The following MZF1 variants were observed in gnomAD, a reference collection of about 807,000 sequenced individuals.
MZF1 encodes the protein myeloid zinc finger 1, also known as zinc finger and SCAN domain-containing protein 6.
Under a neutral mutation model 28.6 loss-of-function variants are expected in MZF1, and 24 were observed. The observed-to-expected ratio is 0.84, with a 90% confidence interval of 0.61 to 1.18. The LOEUF (loss-of-function observed/expected upper bound fraction) is 1.18, where lower values mean the gene tolerates loss of function less well. Ranked by LOEUF, MZF1 falls within the 50% of genes most tolerant of loss-of-function variation. The probability of loss-of-function intolerance (pLI) is 0.00; values close to 1 mark genes in which losing one functional copy is unlikely to be tolerated. For missense variants in MZF1, 1,166 were observed against 1,026.4 expected, an observed-to-expected ratio of 1.14 and a Z score of -1.86; for synonymous variants, 516 against 432.5, an observed-to-expected ratio of 1.19 and a Z score of -2.40.
chr19:58,573,558 C>T (rs1049759022), upstream of MZF1: 6 of 152,384 alleles, frequency 3.9e-5, no homozygotes, highest in African/African-American at 1.4e-4. Flanking sequence ...TCAGCAGGCC[C>T]TTCGTGTGTA....
chr19:58,569,486 G>A (rs375211422), intron 4 of MZF1, 30 bp downstream of exon 4: 5 of 1,613,176 alleles, frequency 3.1e-6, no homozygotes, highest in African/African-American at 1.3e-5. Flanking sequence ...CCAGGGAAAG[G>A]AGGAGAACAT....
intron 1 of MZF1, 145 bp downstream of exon 1, chr19:58,572,910 G>C (rs895471947): frequency 7.5e-6 from 2 of 267,530 alleles, no homozygotes; most frequent in African/African-American, 2.2e-5. Flanking sequence ...CAAGCCTCTC[G>C]CTCTAGCCCT....
At chr19:58,568,088 A>C (rs1219892245) in intron 5 of MZF1, 1 of 152,146 alleles carries the variant, frequency 6.6e-6, no homozygotes, top group African/African-American at 2.4e-5. Flanking sequence ...AAATAAAAAA[A>C]TTAAAAATGA....
intron 1 of MZF1, chr19:58,572,410 C>T (rs1337946422): frequency 3.7e-5 from 19 of 511,684 alleles, no homozygotes; most frequent in South Asian, 2.3e-4. Flanking sequence ...GGGGGAGCTT[C>T]GCAATGGGTG....
At chr19:58,565,308 G>C (rs886554910) in intron 5 of MZF1, among the ~76,000 whole-genome samples, 2 of 147,960 alleles carry the variant, frequency 1.4e-5, no homozygotes, top group African/African-American at 5.3e-5. Flanking sequence ...TGGTCAGGCT[G>C]GTCTCGAACT....
chr19:58,570,162 A>C (rs2054131212), intron 3 of MZF1, 182 bp downstream of exon 3: 10 of 599,388 alleles, frequency 1.7e-5, no homozygotes. Context: ...TGTGAGGGGT[A>C]GTGACAGCAC....
chr19:58,561,997 G>A lies in MZF1; in HGVS notation c.*75C>T. Reference sequence around the variant, plus strand: ...CCTGGGCGGACCTGCTTATACTTATGTAATCGCCAGCCTCACAATAACCAG... The same window carrying A: ...CCTGGGCGGACCTGCTTATACTTATATAATCGCCAGCCTCACAATAACCAG... On this transcript the variant is annotated 3_prime_UTR_variant, in exon 6 of 6. Coordinates refer to ENST00000215057, the MANE Select transcript of MZF1 (RefSeq NM_198055.2). 6.9e-7 allele frequency: 1 copy of A among 1,445,028 alleles called. No individual in the cohort carries two copies. Among genetic ancestry groups the A allele is most frequent in the Non-Finnish European group, 9.3e-7 (1 of 1,074,134 alleles). The allele number at this position is 1,445,028 out of a possible 1,614,324, so 89.5% of individuals were successfully genotyped here.
rs903358256 is a variant in MZF1, at chr19:58,569,390, C to A, written c.659G>T (p.Gly220Val). Reference protein sequence around the residue: ...TLLPEEAQRCGTVLDQIFPHS... With the variant: ...TLLPEEAQRCVTVLDQIFPHS... ...GGGAAAGATCTGGTCCAGCACGGTC[C>A]CACATCTCTGAAATCACAGTGGTCA... is the stretch of plus-strand genomic sequence containing the variant. Residue 220 changes from glycine (G) to valine (V), a missense_variant, in exon 5 of 6, where the codon GGG becomes GTG. Gly to Val is a moderately radical substitution (Grantham distance 109). Coordinates refer to ENST00000215057, the MANE Select transcript of MZF1 (RefSeq NM_198055.2). 2.5e-6 allele frequency: 4 copies of A among 1,613,916 alleles called. No individual in the cohort carries two copies. The highest frequency in any genetic ancestry group is 3.4e-6 in the Non-Finnish European group (4 of 1,179,978).
intron 5 of MZF1, chr19:58,568,218 C>T (rs1426810812): frequency 1.3e-5 from 2 of 152,050 alleles, no homozygotes; most frequent in Non-Finnish European, 2.9e-5. Context: ...GTGCTCTAGT[C>T]TGTGTGAAAT....
At chr19:58,572,614 G>C (rs1568688555) in intron 1 of MZF1, 1 of 1,289,714 alleles carries the variant, frequency 7.8e-7, no homozygotes, top group Admixed American at 2.3e-5. Flanking sequence ...TTATGAAGGG[G>C]ATGGCACCGC....
intron 2 of MZF1, 192 bp from the exon 3 acceptor site, chr19:58,570,719 C>T (rs1007582865): frequency 1.0e-5 from 7 of 680,950 alleles, no homozygotes; most frequent in African/African-American, 3.6e-5. Flanking sequence ...CAGTCCCTCC[C>T]CTGCTCTGAC....
chr19:58,569,291 C>T lies in MZF1; in HGVS notation c.758G>A (p.Gly253Asp). The change falls in exon 5 of 6, where the codon GGC becomes GAC. Residue 253 changes from glycine to aspartate, a missense_variant. Transcript: ENST00000215057. The part of the protein sequence containing the change: ...PRALWHEEAG[G>D]IFSPGFALQL... ...ATCTCACTTACCTGGGGAGAAGATG[C>T]CCCCAGCTTCCTCATGCCACAGGGC... is the stretch of plus-strand genomic sequence containing the variant. The T allele has an allele frequency of 1.2e-6, 2 of 1,604,676 alleles. No homozygotes were observed. Among genetic ancestry groups the T allele is most frequent in the Non-Finnish European group, 1.7e-6 (2 of 1,175,922 alleles).
At chr19:58,564,561 C>G (rs931063061) in intron 5 of MZF1, 4 of 152,250 alleles carry the variant, frequency 2.6e-5, no homozygotes, top group Non-Finnish European at 5.9e-5. Flanking sequence ...GGGCTGAACT[C>G]ATCTGCCATT....
chr19:58,567,804 T>C (rs2054085535), intron 5 of MZF1, among the ~76,000 whole-genome samples: 2 of 152,134 alleles, frequency 1.3e-5, no homozygotes, highest in Admixed American at 6.6e-5. Context: ...TAGGAGAGAA[T>C]AGAGAACACA....
chr19:58,563,086 C>T lies in MZF1; in HGVS notation c.1191G>A (p.Ser397=). ...GCGTAAGCTGGTGGCGCAGCAGGTGCGAGCTGCGGCTGAAGCTGCGGCCGC... is the reference window on the plus strand; with the variant it reads ...GCGTAAGCTGGTGGCGCAGCAGGTGTGAGCTGCGGCTGAAGCTGCGGCCGC... ...SECGRSFSRS[S]HLLRHQLTHT... The change falls in exon 6 of 6, where the codon TCG becomes TCA. Residue 397 remains serine (S), a synonymous_variant. Coordinates refer to ENST00000215057, the MANE Select transcript of MZF1 (RefSeq NM_198055.2). 6.2e-7 allele frequency: 1 copy of T among 1,604,058 alleles called. No homozygotes were observed. The highest frequency in any genetic ancestry group is 8.5e-7 in the Non-Finnish European group (1 of 1,179,214).
rs2054139042 is a variant in MZF1, at chr19:58,570,508, C to T, written c.416G>A (p.Gly139Asp). The change falls in exon 3 of 6, where the codon GGC (glycine) becomes GAC (aspartate). Residue 139 changes from glycine (G) to aspartate (D), a missense_variant. Gly to Asp is a moderately conservative substitution (Grantham distance 94). Coordinates refer to ENST00000215057, the MANE Select transcript of MZF1 (RefSeq NM_198055.2). ...PRRWVTVQVQ[G>D]QEVLSEKMEP... The stretch of plus-strand genomic sequence containing the variant: ...CATCTTCTCTGATAGGACCTCCTGG[C>T]CCTGCACCTGGACTGTGACCTGGGG... 1.9e-6 allele frequency: 3 copies of T among 1,613,148 alleles called. No homozygotes were observed. Among genetic ancestry groups the T allele is most frequent in the African/African-American group, 1.3e-5 (1 of 74,998 alleles).
In MZF1 at chr19:58,562,511, C is replaced by G; in HGVS notation, c.1766G>C (p.Arg589Pro). The G allele has an allele frequency of 1.2e-6, 2 of 1,610,072 alleles. No homozygotes were observed. Among genetic ancestry groups the G allele is most frequent in the Non-Finnish European group, 1.7e-6 (2 of 1,179,044 alleles). The change falls in exon 6 of 6, where the codon CGC (arginine) becomes CCC (proline). Residue 589 changes from arginine to proline, a missense_variant. Physicochemically the swap from Arg to Pro is moderately radical, Grantham distance 103. Coordinates refer to ENST00000215057, the MANE Select transcript of MZF1 (RefSeq NM_198055.2). ...RQRPTLTQHL[R>P]VHTGEKPFAC... Reference sequence around the variant, plus strand: ...AAAGGGTTTCTCGCCCGTGTGTACGCGGAGATGCTGCGTGAGCGTAGGCCG... The same window carrying G: ...AAAGGGTTTCTCGCCCGTGTGTACGGGGAGATGCTGCGTGAGCGTAGGCCG...
chr19:58,562,962 G>C lies in MZF1; in HGVS notation c.1315C>G (p.Pro439Ala), dbSNP rs368717285. 3.6e-5 allele frequency: 58 copies of C among 1,600,532 alleles called. No homozygotes were observed. The highest frequency in any genetic ancestry group is 6.7e-5 in the African/African-American group (5 of 74,876). Residue 439 changes from proline (P) to alanine (A), a missense_variant, in exon 6 of 6, where the codon CCT becomes GCT. Physicochemically the swap from Pro to Ala is conservative, Grantham distance 27 (BLOSUM62 -1). Transcript: ENST00000215057. The stretch of plus-strand genomic sequence containing the variant: ...TGGCCGCACTCAGCGCAACGGAAAG[G>C]CTGTTCGCCCGTGTGCACTCTCCGA... ...EHRRVHTGEQ[P>A]FRCAECGQSF...
At position 58,563,314 on chromosome 19, in the gene MZF1, ATCC is replaced by A. The variant is rs1232459710; in HGVS notation, c.960_962del (p.Glu320del). On this transcript the variant is annotated inframe_deletion, in exon 6 of 6. Transcript: ENST00000215057. ...GAGCAGGGCCCACACCCCGGCAGGG[ATCC>A]TCGTCCGTGGGGTCCTGTTCACTCC... is the stretch of plus-strand genomic sequence containing the variant. 16 of 1,609,074 alleles carry A rather than the reference ATCC, an allele frequency of 9.9e-6. No individual in the cohort carries two copies. Among genetic ancestry groups the A allele is most frequent in the Non-Finnish European group, 1.4e-5 (16 of 1,178,274 alleles).
Sources: allele counts gnomAD v4.1 joint callset (sites outside exome capture counted in the v4.1 genomes callset), GRCh38; gene constraint gnomAD v4.1.1; transcripts MANE v1.5; gene names NCBI Gene and HGNC (gene_info 2026-07-23, HGNC 2026-07-21).